ELK3: variants seen among roughly 807,000 people sequenced by gnomAD.
ELK3 encodes the protein ETS transcription factor ELK3, also known as ETS domain-containing protein Elk-3.
ELK3 carries 10 observed loss-of-function variants against 28.9 expected under a neutral mutation model. The observed-to-expected ratio is 0.35, with a 90% confidence interval of 0.21 to 0.59. The LOEUF (loss-of-function observed/expected upper bound fraction) is 0.59, where lower values mean the gene tolerates loss of function less well. Ranked by LOEUF, ELK3 falls within the 20% of genes least tolerant of loss-of-function variation. ELK3 has a pLI of 0.82. For synonymous variants in ELK3, 272 were observed against 243.5 expected, an observed-to-expected ratio of 1.12 and a Z score of -1.09; for missense variants, 463 against 517.3, an observed-to-expected ratio of 0.90 and a Z score of 1.02.
intron 3 of ELK3, among the ~76,000 whole-genome samples, chr12:96,254,634 A>G (rs1428017473): frequency 1.3e-5 from 2 of 152,038 alleles, no homozygotes; most frequent in Non-Finnish European, 2.9e-5. Context: ...CTGTGTTTGG[A>G]GCTGGGGCTA....
chr12:96,202,010 T>TA (rs1951510599), intron 1 of ELK3, among the ~76,000 whole-genome samples: 1 of 152,174 alleles, frequency 6.6e-6, no homozygotes, highest in Non-Finnish European at 1.5e-5. Context: ...TAGCACCAGA[T>TA]AAGAGTTTGG....
chr12:96,240,403 A>T (rs1179615501), intron 2 of ELK3, among the ~76,000 whole-genome samples: 1 of 152,218 alleles, frequency 6.6e-6, no homozygotes, highest in African/African-American at 2.4e-5. Context: ...GCGTGGATGC[A>T]TCGGGCGTTC....
intron 1 of ELK3, among the ~76,000 whole-genome samples, chr12:96,216,285 A>C (rs1951617786): frequency 6.6e-6 from 1 of 152,198 alleles, no homozygotes; most frequent in Admixed American, 6.5e-5. Context: ...ACCCCAGGGA[A>C]GGAGAGAGCC....
rs1188144606 is a variant in ELK3 at position 96,269,207 on chromosome 12, G to A, written c.*2027G>A. The A allele has an allele frequency of 1.3e-5, 2 of 152,108 alleles. No individual in the cohort carries two copies. The highest frequency in any genetic ancestry group is 2.9e-5 in the Non-Finnish European group (2 of 68,016). 9.4% of individuals were successfully genotyped at this position (152,108 alleles called of 1,614,324 possible). ...TAAGTAATTACTGGTTCAAAACTAC[G>A]TGTTATTAGTAAAACAAACAAAACA... On this transcript the variant is annotated 3_prime_UTR_variant, in exon 5 of 5. Transcript: ENST00000228741.
chr12:96,223,237 T>G (rs776557995), intron 1 of ELK3, among the ~76,000 whole-genome samples: 1 of 152,166 alleles, frequency 6.6e-6, no homozygotes, highest in Non-Finnish European at 1.5e-5. Context: ...ATGGTTTGAA[T>G]GGGGACTCAT....
Position 96,250,413 on chromosome 12 carries a change from T to G in ELK3, c.1002+2679T>G, listed in dbSNP as rs529196477. On this transcript the variant is annotated intron_variant, in intron 3 of 4. Transcript: ENST00000228741. ...TTCCCTGAGATCAGATAGGATATCT[T>G]GAAGCCAGGGGTGGTTTAGGATTAG... Among the ~76,000 whole-genome samples, 4 of 152,304 alleles carry G rather than the reference T, an allele frequency of 2.6e-5. No individual in the cohort carries two copies. The South Asian group carries it at 8.3e-4, about 32-fold the overall frequency.
chr12:96,235,058 T>C (rs556578095), intron 2 of ELK3, among the ~76,000 whole-genome samples: 2 of 152,236 alleles, frequency 1.3e-5, no homozygotes, highest in Admixed American at 6.5e-5. Context: ...TACCCCACGC[T>C]TCCAGAAGAC....
At chr12:96,239,366 G>A (rs961115609) in intron 2 of ELK3, among the ~76,000 whole-genome samples, 1 of 152,100 alleles carries the variant, frequency 6.6e-6, no homozygotes, top group African/African-American at 2.4e-5. Context: ...TGTTAGCAAT[G>A]TCGTGTCCCC....
At chr12:96,208,046 A>AGTTTTTT (rs560214560) in intron 1 of ELK3, among the ~76,000 whole-genome samples, 2 of 151,918 alleles carry the variant, frequency 1.3e-5, no homozygotes, top group Non-Finnish European at 1.5e-5. Flanking sequence ...GTTAGAGGGC[A>AGTTTTTT]GTTTTTTGTT....
intron 3 of ELK3, among the ~76,000 whole-genome samples, chr12:96,252,767 A>C (rs907035462): frequency 2.6e-5 from 4 of 152,200 alleles, no homozygotes; most frequent in Non-Finnish European, 5.9e-5. Context: ...GATAGAATCT[A>C]CTCCTGTTGA....
chr12:96,199,480 CTGTGTGTGTGTG>C (rs10678770), intron 1 of ELK3, among the ~76,000 whole-genome samples: 5 of 146,382 alleles, frequency 3.4e-5, no homozygotes, highest in African/African-American at 7.6e-5. Flanking sequence ...ATAAAATTAG[CTGTGTGTGTGTG>C]TGTGTGTGTG....
intron 3 of ELK3, among the ~76,000 whole-genome samples, chr12:96,257,444 A>G (rs186100265): frequency 3.9e-4 from 60 of 152,376 alleles, no homozygotes; most frequent in African/African-American, 1.4e-3. Flanking sequence ...CAAATGTGCA[A>G]ACATCTCAAA....
At chr12:96,239,921 T>A (rs1014038808) in intron 2 of ELK3, among the ~76,000 whole-genome samples, 15 of 152,260 alleles carry the variant, frequency 9.9e-5, no homozygotes, top group Non-Finnish European at 1.2e-4. Context: ...GCGTCTCGCC[T>A]GTAGGCTGCG....
chr12:96,236,806 G>A (rs1951787640), intron 2 of ELK3, among the ~76,000 whole-genome samples: 4 of 152,212 alleles, frequency 2.6e-5, no homozygotes, highest in Admixed American at 2.6e-4. Flanking sequence ...CAAACTTGGT[G>A]GCTCAAAACA....
chr12:96,254,122 C>T (rs920251216), intron 3 of ELK3, among the ~76,000 whole-genome samples: 1 of 152,192 alleles, frequency 6.6e-6, no homozygotes, highest in African/African-American at 2.4e-5. Flanking sequence ...GTCAGGAGTT[C>T]AAGACCAACC....
intron 1 of ELK3, among the ~76,000 whole-genome samples, chr12:96,202,607 A>G (rs977230847): frequency 2.0e-5 from 3 of 148,278 alleles, no homozygotes; most frequent in Non-Finnish European, 3.0e-5. Flanking sequence ...GGTCACTGCA[A>G]CCTCCACCAT....
In ELK3 at chr12:96,241,157, A is replaced by T. The variant is rs1002361480; in HGVS notation, c.208-5783A>T. On this transcript the variant is annotated intron_variant, in intron 2 of 4. Coordinates refer to ENST00000228741, the MANE Select transcript of ELK3 (RefSeq NM_005230.4). ...ACCAGCCTAAGAATGAGCCGTGGAA[A>T]ATTGTGTCTTTCATGCCTGTGGCTT... Among the ~76,000 whole-genome samples the T allele has an allele frequency of 4.6e-5, 7 of 152,152 alleles. 1 individual carries two copies. Among genetic ancestry groups the T allele is most frequent in the Non-Finnish European group, 8.8e-5 (6 of 68,024 alleles).
chr12:96,208,188 A>G (rs1951551415), intron 1 of ELK3, among the ~76,000 whole-genome samples: 1 of 152,020 alleles, frequency 6.6e-6, no homozygotes, highest in African/African-American at 2.4e-5. Flanking sequence ...AGTAGTTGGG[A>G]TTATAGGCGC....
At chr12:96,218,521 G>A (rs980606636) in intron 1 of ELK3, among the ~76,000 whole-genome samples, 3 of 151,962 alleles carry the variant, frequency 2.0e-5, no homozygotes, top group Admixed American at 1.3e-4. Context: ...TGCAGTGTTC[G>A]CTATTTGGGT....
Sources: gnomAD v4.1 joint callset for allele counts (sites outside exome capture counted in the v4.1 genomes callset) on GRCh38, gnomAD v4.1.1 for gene constraint, MANE v1.5 for transcripts, NCBI Gene and HGNC (gene_info 2026-07-23, HGNC 2026-07-21) for gene names.